The following DERA variants were observed in gnomAD, a reference collection of about 807,000 sequenced individuals.
DERA encodes the protein deoxyribose-phosphate aldolase.
In DERA, 15 loss-of-function variants were observed where a neutral mutation model predicts 41.1. The ratio of observed to expected loss-of-function variants is 0.37; its 90% CI spans 0.24 to 0.56. The LOEUF (loss-of-function observed/expected upper bound fraction) is 0.56, where lower values mean the gene tolerates loss of function less well. Ranked by LOEUF, DERA falls within the 20% of genes least tolerant of loss-of-function variation. The pLI, the probability that DERA is intolerant of heterozygous loss-of-function variation, is 0.81. For missense variants in DERA, 396 were observed against 403.4 expected, an observed-to-expected ratio of 0.98 and a Z score of 0.16; for synonymous variants, 139 against 137.4, an observed-to-expected ratio of 1.01 and a Z score of -0.08.
chr12:15,969,181 A>G (rs1948643531), intron 5 of DERA, among the ~76,000 whole-genome samples: 1 of 152,262 alleles, frequency 6.6e-6, no homozygotes, highest in African/African-American at 2.4e-5. Flanking sequence ...ATTCACCAGA[A>G]GTTGTTCATC....
chr12:15,962,823 A>G lies in DERA; in HGVS notation c.384A>G (p.Gly128=). ...TCTTAACTCTATTAGTGGCCGCTGG[A>G]TTTCCAGCTGGACAGACTCATTTGA... ...CNIPVASVAA[G]FPAGQTHLKT... The change falls in exon 5 of 9, where the codon GGA becomes GGG. Residue 128 remains glycine (G), a synonymous_variant. Coordinates refer to ENST00000428559, the MANE Select transcript of DERA (RefSeq NM_015954.4). 1 of 1,543,272 alleles carries G rather than the reference A, an allele frequency of 6.5e-7. No individual in the cohort carries two copies.
chr12:15,958,935 A>G (rs982685613), intron 3 of DERA, among the ~76,000 whole-genome samples: 4 of 152,196 alleles, frequency 2.6e-5, no homozygotes, highest in Non-Finnish European at 5.9e-5. Flanking sequence ...ATAAAGAAAC[A>G]AAGACCTGGA....
At chr12:15,937,300 T>C (rs538066946) in intron 1 of DERA, among the ~76,000 whole-genome samples, 1 of 152,322 alleles carries the variant, frequency 6.6e-6, no homozygotes, top group South Asian at 2.1e-4. Flanking sequence ...CTTGATTCGA[T>C]TCAGATTAAA....
chr12:15,935,263 G>A lies in DERA; in HGVS notation c.32-21673G>A, dbSNP rs1368362608. On this transcript the variant is annotated intron_variant, in intron 1 of 8. Coordinates refer to ENST00000428559, the MANE Select transcript of DERA (RefSeq NM_015954.4). The surrounding 1 kb of genome is among the most constrained non-coding windows in gnomAD (Gnocchi z 4.8). ...GCACTTTGGGAGGCTGAGGTGGGTG[G>A]ATCACTTGAGCCCAGGAGTTCAAGA... 6.6e-6 allele frequency among the ~76,000 whole-genome samples: 1 copy of A among 152,100 alleles called. No homozygotes were observed. The highest frequency in any genetic ancestry group is 1.5e-5 in the Non-Finnish European group (1 of 68,024).
At position 15,936,788 on chromosome 12, in the gene DERA, C is replaced by A. The variant is rs977299715; in HGVS notation, c.32-20148C>A. On this transcript the variant is annotated intron_variant, in intron 1 of 8. Coordinates refer to ENST00000428559, the MANE Select transcript of DERA (RefSeq NM_015954.4). This position sits in a 1 kb window ranked among gnomAD's most constrained non-coding sequence, Gnocchi z 4.6. ...GTTTTGTGTAGATTGTCTCACCACC[C>A]GGATTTGTCTGATTATTTTCTAGTG... 6.6e-6 allele frequency among the ~76,000 whole-genome samples: 1 copy of A among 151,948 alleles called. No homozygotes were observed. The highest frequency in any genetic ancestry group is 2.1e-4 in the South Asian group (1 of 4,818).
Position 15,994,578 on chromosome 12 carries a change from T to C in DERA, c.637+12142T>C, listed in dbSNP as rs1948824384. The stretch of plus-strand genomic sequence containing the variant: ...ACGCCATTCTCCTGCCTCAGCCTCC[T>C]GAATAGCTGGGACTACAGGCGCCTG... On this transcript the variant is annotated intron_variant, in intron 6 of 8. Coordinates refer to ENST00000428559, the MANE Select transcript of DERA (RefSeq NM_015954.4). The surrounding 1 kb of genome is among the most constrained non-coding windows in gnomAD (Gnocchi z 4.8). 6.6e-6 allele frequency among the ~76,000 whole-genome samples: 1 copy of C among 152,176 alleles called. No homozygotes were observed. The highest frequency in any genetic ancestry group is 2.4e-5 in the African/African-American group (1 of 41,452).
intron 6 of DERA, among the ~76,000 whole-genome samples, chr12:16,023,934 CAGAG>C (rs758637811): frequency 1.6e-4 from 24 of 152,072 alleles, no homozygotes; most frequent in African/African-American, 5.5e-4. Context: ...ATAATAGAAT[CAGAG>C]AGATGGAAAC....
intron 1 of DERA, among the ~76,000 whole-genome samples, chr12:15,939,622 TA>T (rs1403665570): frequency 2.6e-5 from 4 of 152,166 alleles, no homozygotes; most frequent in African/African-American, 2.4e-5. Context: ...TTTTATTTAA[TA>T]TTTTTTTAAA....
At position 15,960,375 on chromosome 12, in the gene DERA, C is replaced by T. The variant is rs565113280; in HGVS notation, c.373+451C>T. On this transcript the variant is annotated intron_variant, in intron 4 of 8. Coordinates refer to ENST00000428559, the MANE Select transcript of DERA (RefSeq NM_015954.4). The stretch of plus-strand genomic sequence containing the variant: ...TATGCGGGCTGGGGACGGTGGCTCA[C>T]AACTATAATCCCAGCACTTTGGGAG... 2.0e-5 allele frequency among the ~76,000 whole-genome samples: 3 copies of T among 151,312 alleles called. No homozygotes were observed. In the South Asian group the frequency reaches 6.2e-4, roughly 32 times the overall value.
rs1324577509 is a variant in DERA, at chr12:16,021,353, C to T, written c.638-11189C>T. ...TGGAGAGTACAAGTTGTAAGCCTTG[C>T]TGGTTTCTATGTGATGTTAAGCCTT... On this transcript the variant is annotated intron_variant, in intron 6 of 8. Coordinates refer to ENST00000428559, the MANE Select transcript of DERA (RefSeq NM_015954.4). The surrounding 1 kb of genome is among the most constrained non-coding windows in gnomAD (Gnocchi z 5.3). Among the ~76,000 whole-genome samples, 1 of 152,174 alleles carries T rather than the reference C, an allele frequency of 6.6e-6. No homozygotes were observed. The highest frequency in any genetic ancestry group is 2.4e-5 in the African/African-American group (1 of 41,452).
intron 5 of DERA, among the ~76,000 whole-genome samples, chr12:15,963,478 A>G (rs1041500128): frequency 2.0e-5 from 3 of 152,340 alleles, no homozygotes; most frequent in Non-Finnish European, 2.9e-5. Flanking sequence ...ATGATTCACT[A>G]TCACGTCAGC....
At chr12:16,007,382 C>T (rs1231490701) in intron 6 of DERA, among the ~76,000 whole-genome samples, 2 of 152,136 alleles carry the variant, frequency 1.3e-5, no homozygotes, top group East Asian at 1.9e-4. Flanking sequence ...TGGTGTTTCA[C>T]CATGTTGGCC....
chr12:15,912,450 G>C (rs1012175868), intron 1 of DERA, among the ~76,000 whole-genome samples: 2 of 152,146 alleles, frequency 1.3e-5, no homozygotes, highest in African/African-American at 4.8e-5. Context: ...AGGTTTAAGC[G>C]TCTCGTTTAA....
chr12:16,031,254 T>C (rs1466459491), intron 6 of DERA, among the ~76,000 whole-genome samples: 3 of 152,236 alleles, frequency 2.0e-5, no homozygotes, highest in Non-Finnish European at 2.9e-5. Flanking sequence ...GTCTACATTG[T>C]ATGGTTTTGA....
intron 4 of DERA, among the ~76,000 whole-genome samples, chr12:15,960,941 G>T (rs1313187904): frequency 3.3e-5 from 5 of 152,214 alleles, no homozygotes; most frequent in African/African-American, 1.2e-4. Flanking sequence ...CAAAGGGGGA[G>T]ATACAGGAGT....
At chr12:16,028,660 G>A (rs1417529130) in intron 6 of DERA, among the ~76,000 whole-genome samples, 2 of 152,096 alleles carry the variant, frequency 1.3e-5, no homozygotes, top group Non-Finnish European at 2.9e-5. Flanking sequence ...CATCAACAGT[G>A]GTAAATCATG....
Position 16,007,837 on chromosome 12 carries a change from G to A in DERA, c.638-24705G>A, listed in dbSNP as rs77422246. Among the ~76,000 whole-genome samples, 431 of 145,128 alleles carry A rather than the reference G, an allele frequency of 3.0e-3. 2 individuals carry two copies. The highest frequency in any genetic ancestry group is 5.5e-3 in the Non-Finnish European group (360 of 65,144). ...CTGTATATTGATAATGCAGTTTTTTGTTTTGTGTTTTGTTTTGTTTTGTTT... is the reference window on the plus strand; with the variant it reads ...CTGTATATTGATAATGCAGTTTTTTATTTTGTGTTTTGTTTTGTTTTGTTT... On this transcript the variant is annotated intron_variant, in intron 6 of 8. Transcript: ENST00000428559.
At chr12:15,975,862 T>G (rs1019006898) in intron 5 of DERA, among the ~76,000 whole-genome samples, 3 of 152,248 alleles carry the variant, frequency 2.0e-5, no homozygotes, top group Non-Finnish European at 4.4e-5. Flanking sequence ...TGCTCCAGCT[T>G]TGGAATCAGT....
rs1182522133 is a variant in DERA at position 15,943,307 on chromosome 12, G to T, written c.32-13629G>T. Among the ~76,000 whole-genome samples, 3 of 152,212 alleles carry T rather than the reference G, an allele frequency of 2.0e-5. No homozygotes were observed. The highest frequency in any genetic ancestry group is 7.2e-5 in the African/African-American group (3 of 41,450). On this transcript the variant is annotated intron_variant, in intron 1 of 8. Transcript: ENST00000428559. This position sits in a 1 kb window ranked among gnomAD's most constrained non-coding sequence, Gnocchi z 4.5. ...GTAGAAAAGCAATAGTCAGTTGATT[G>T]ATGAGATTTTGACCCCCTCCACTGT...
Sources: gnomAD v4.1 joint callset for allele counts (sites outside exome capture counted in the v4.1 genomes callset) on GRCh38, gnomAD v4.1.1 for gene constraint, Gnocchi (gnomAD v3.1) non-coding constraint, MANE v1.5 for transcripts, NCBI Gene and HGNC (gene_info 2026-07-23, HGNC 2026-07-21) for gene names.